The following CECR2 variants were observed in gnomAD, a reference collection of about 807,000 sequenced individuals.
CECR2 encodes the protein CECR2 histone acetyl-lysine reader.
In CECR2, 30 loss-of-function variants were observed where a neutral mutation model predicts 154.5. That is an observed-to-expected ratio of 0.19 (90% confidence interval 0.15 to 0.26). The LOEUF is 0.26. CECR2 is among the 10% of genes least tolerant of loss of function. CECR2 has a pLI of 1.00. For missense variants in CECR2, 1,743 were observed against 1,829.3 expected, an observed-to-expected ratio of 0.95 and a Z score of 0.86; for synonymous variants, 725 against 683.7, an observed-to-expected ratio of 1.06 and a Z score of -0.94.
intron 1 of CECR2, among the ~76,000 whole-genome samples, chr22:17,363,488 G>T (rs1234371328): frequency 6.6e-6 from 1 of 151,678 alleles, no homozygotes; most frequent in Non-Finnish European, 1.5e-5. Context: ...AATTACAGGC[G>T]TGAGCCACCG....
intron 6 of CECR2, 82 bp downstream of exon 6, chr22:17,503,213 C>A: frequency 7.5e-7 from 1 of 1,330,292 alleles, no homozygotes; most frequent in South Asian, 1.3e-5. Flanking sequence ...TTTCTAGAGT[C>A]ATACAAAGTA....
chr22:17,490,062 T>C (rs1255019907), intron 2 of CECR2, among the ~76,000 whole-genome samples: 1 of 152,158 alleles, frequency 6.6e-6, no homozygotes, highest in Non-Finnish European at 1.5e-5. Context: ...TTATTTCTTC[T>C]GTGACCCAAA....
intron 1 of CECR2, among the ~76,000 whole-genome samples, chr22:17,360,965 T>C (rs5747073): frequency 0.31 from 46,636 of 151,842 alleles, 8,652 homozygotes; most frequent in African/African-American, 0.52. Flanking sequence ...GAATTCAAGA[T>C]GAGTCTGGGC....
intron 1 of CECR2, among the ~76,000 whole-genome samples, chr22:17,363,441 C>G (rs1296372522): frequency 1.3e-5 from 2 of 152,162 alleles, no homozygotes; most frequent in Non-Finnish European, 2.9e-5. Context: ...AACTCCTGAC[C>G]TTATGATCCG....
At chr22:17,460,334 C>G (rs1194721628) in intron 1 of CECR2, among the ~76,000 whole-genome samples, 2 of 152,148 alleles carry the variant, frequency 1.3e-5, no homozygotes, top group Non-Finnish European at 2.9e-5. Flanking sequence ...CTCAGCCTCC[C>G]GACTAGCTGG....
intron 1 of CECR2, among the ~76,000 whole-genome samples, chr22:17,386,411 G>A (rs1394283550): frequency 6.6e-6 from 1 of 152,146 alleles, no homozygotes; most frequent in Non-Finnish European, 1.5e-5. Context: ...GTAACAAGAA[G>A]AAGTTAAATT....
In CECR2 at chr22:17,537,223, C is replaced by T; in HGVS notation, c.1229C>T (p.Thr410Ile). The T allele has an allele frequency of 6.2e-7, 1 of 1,613,904 alleles. No individual in the cohort carries two copies. The highest frequency in any genetic ancestry group is 1.7e-5 in the Admixed American group (1 of 59,998). Reference sequence around the variant, plus strand: ...TCCCCCATGAGAGAGGAAAAAAAGACTAAAGACCTGTGAGTATTTAGTAAC... The same window carrying T: ...TCCCCCATGAGAGAGGAAAAAAAGATTAAAGACCTGTGAGTATTTAGTAAC... ...PNSPMREEKK[T>I]KDLFELDDDF... The change falls in exon 10 of 19, where the codon ACT (threonine) becomes ATT (isoleucine). Residue 410 changes from threonine (T) to isoleucine (I), a missense_variant. Physicochemically the swap from Thr to Ile is moderately conservative, Grantham distance 89 (BLOSUM62 -1). Around this residue, in one of 4 missense-constraint regions of CECR2, gnomAD observed 292 missense variants for 301.2 expected, o/e 0.97. Coordinates refer to ENST00000262608, the MANE Select transcript of CECR2 (RefSeq NM_001290047.2).
chr22:17,542,195 A>G lies in CECR2; in HGVS notation c.2052A>G (p.Leu684=). 6.2e-7 allele frequency: 1 copy of G among 1,612,934 alleles called. No homozygotes were observed. Among genetic ancestry groups the G allele is most frequent in the South Asian group, 1.1e-5 (1 of 90,890 alleles). The change falls in exon 16 of 19, where the codon CTA becomes CTG. Residue 684 remains leucine, a synonymous_variant. Coordinates refer to ENST00000262608, the MANE Select transcript of CECR2 (RefSeq NM_001290047.2). ...VGINSLRGPR[L]GTPEEKQMCG... Reference sequence around the variant, plus strand: ...TTAACAGCCTCCGAGGACCCAGGCTAGGCACACCAGAGGAGAAGCAAATGT... The same window carrying G: ...TTAACAGCCTCCGAGGACCCAGGCTGGGCACACCAGAGGAGAAGCAAATGT...
At chr22:17,440,249 A>G (rs547169889) in intron 1 of CECR2, among the ~76,000 whole-genome samples, 1 of 152,182 alleles carries the variant, frequency 6.6e-6, no homozygotes, top group Non-Finnish European at 1.5e-5. Context: ...ATTTATTCAC[A>G]TCATTTTTTA....
intron 9 of CECR2, chr22:17,534,798 G>T (rs113905295): frequency 0.2 from 28,112 of 141,016 alleles, 2,976 homozygotes; most frequent in African/African-American, 0.24. Context: ...CCCAAAGTGC[G>T]GGGAGCTGAG....
intron 1 of CECR2, among the ~76,000 whole-genome samples, chr22:17,382,309 G>A (rs1416363169): frequency 6.6e-6 from 1 of 152,182 alleles, no homozygotes; most frequent in South Asian, 2.1e-4. Context: ...TCTTCAGGCA[G>A]TGGAGAAACC....
intron 1 of CECR2, among the ~76,000 whole-genome samples, chr22:17,402,637 G>T (rs979822156): frequency 3.9e-5 from 6 of 151,966 alleles, no homozygotes; most frequent in African/African-American, 1.5e-4. Context: ...TTATAATCAT[G>T]GTAAATTTGT....
chr22:17,485,555 A>G (rs2055405963), intron 2 of CECR2, among the ~76,000 whole-genome samples: 1 of 152,110 alleles, frequency 6.6e-6, no homozygotes, highest in Non-Finnish European at 1.5e-5. Context: ...GCTCACATGA[A>G]CTCAGGAGTT....
chr22:17,530,916 G>A, intron 9 of CECR2, among the ~76,000 whole-genome samples: 1 of 152,170 alleles, frequency 6.6e-6, no homozygotes, highest in East Asian at 1.9e-4. Context: ...GAGGTGAGAG[G>A]GAAATGGGGA....
At chr22:17,361,347 C>A (rs2062976255) in intron 1 of CECR2, among the ~76,000 whole-genome samples, 1 of 151,764 alleles carries the variant, frequency 6.6e-6, no homozygotes, top group Non-Finnish European at 1.5e-5. Flanking sequence ...ATTAGCCGGG[C>A]TGGTGGCGGA....
intron 16 of CECR2, among the ~76,000 whole-genome samples, chr22:17,543,378 C>A (rs2056561800): frequency 6.6e-6 from 1 of 151,870 alleles, no homozygotes. Flanking sequence ...TTGTGACCTG[C>A]CCCCGTCGGC....
In CECR2 at chr22:17,549,260, C is replaced by T; in HGVS notation, c.3973C>T (p.Leu1325=). The T allele has an allele frequency of 6.2e-7, 1 of 1,614,032 alleles. No homozygotes were observed. The highest frequency in any genetic ancestry group is 8.5e-7 in the Non-Finnish European group (1 of 1,179,910). ...SEYLYGTPPP[L]SSGMGFGSSA... The stretch of plus-strand genomic sequence containing the variant: ...GTATCTCTATGGAACTCCTCCGCCT[C>T]TGAGTTCAGGAATGGGATTTGGTTC... Residue 1325 remains leucine, a synonymous_variant, in exon 17 of 19, where the codon CTG becomes TTG. Coordinates refer to ENST00000262608, the MANE Select transcript of CECR2 (RefSeq NM_001290047.2).
At chr22:17,458,284 G>A (rs552771071) in intron 1 of CECR2, among the ~76,000 whole-genome samples, 9 of 151,998 alleles carry the variant, frequency 5.9e-5, no homozygotes, top group South Asian at 2.1e-4. Flanking sequence ...GTGTGGTGGC[G>A]GGCGCCTGTA....
intron 2 of CECR2, among the ~76,000 whole-genome samples, 163 bp downstream of exon 2, chr22:17,477,845 T>C (rs2522297): frequency 0.25 from 38,450 of 152,140 alleles, 5,756 homozygotes; most frequent in Non-Finnish European, 0.35. Flanking sequence ...GTGTTTGGCT[T>C]ATTCTGCAGT....
Sources: allele counts gnomAD v4.1 joint callset (sites outside exome capture counted in the v4.1 genomes callset), GRCh38; gene constraint gnomAD v4.1.1; regional missense constraint gnomAD v4.1.1; transcripts MANE v1.5; gene names NCBI Gene and HGNC (gene_info 2026-07-23, HGNC 2026-07-21).